CTNNBIP1: variants seen among roughly 807,000 people sequenced by gnomAD.
CTNNBIP1 encodes beta-catenin-interacting protein 1.
In CTNNBIP1, 7 loss-of-function variants were observed where a neutral mutation model predicts 11.8. The observed-to-expected ratio is 0.60, with a 90% CI of 0.34 to 1.12. The LOEUF is 1.12. Among genes scored for constraint, CTNNBIP1 ranks in the 50% most tolerant of loss-of-function variants. The pLI, the probability that CTNNBIP1 is intolerant of heterozygous loss-of-function variation, is 0.03. For missense variants in CTNNBIP1, 101 were observed against 113.4 expected (o/e 0.89, Z 0.50); for synonymous variants, 58 against 43.9 (o/e 1.32, Z -1.26).
chr1:9,880,076 G>C (rs750438921), intron 2 of CTNNBIP1, among the ~76,000 whole-genome samples: 3 of 152,122 alleles, frequency 2.0e-5, no homozygotes, highest in Non-Finnish European at 4.4e-5. Flanking sequence ...CCGTCACCTA[G>C]GTTTTAAGAT....
chr1:9,856,513 CTT>C (rs149518763), intron 5 of CTNNBIP1, among the ~76,000 whole-genome samples: 154 of 129,524 alleles, frequency 1.2e-3, no homozygotes, highest in African/African-American at 3.6e-3. Context: ...GTAAAAAATT[CTT>C]TTTTTTTTTT....
intron 5 of CTNNBIP1, among the ~76,000 whole-genome samples, chr1:9,855,255 CTTTTTT>C (rs35112494): frequency 7.8e-6 from 1 of 127,412 alleles, no homozygotes; most frequent in Non-Finnish European, 1.6e-5. Context: ...TAAAAATTGC[CTTTTTT>C]TTTTTTTTTT....
At chr1:9,877,562 GTGATAGAT>G (rs1638995444) in intron 3 of CTNNBIP1, among the ~76,000 whole-genome samples, 3 of 152,190 alleles carry the variant, frequency 2.0e-5, no homozygotes, top group Admixed American at 2.0e-4. Context: ...AAAACACATT[GTGATAGAT>G]TCTAATACAT....
Position 9,863,062 on chromosome 1 carries a change from G to A in CTNNBIP1, c.187+8125C>T, listed in dbSNP as rs189627879. The stretch of plus-strand genomic sequence containing the variant: ...TGACGCGGGGTGATGGGGTCAAAGC[G>A]ACCCTCCCTGGAGCCGCAGCCAGGT... On this transcript the variant is annotated intron_variant, in intron 5 of 5. Transcript: ENST00000377263. 8.9e-3 allele frequency among the ~76,000 whole-genome samples: 1,354 copies of A among 152,272 alleles called. 9 individuals are homozygous for A. Among genetic ancestry groups the A allele is most frequent in the Non-Finnish European group, 0.014 (944 of 68,016 alleles).
intron 5 of CTNNBIP1, among the ~76,000 whole-genome samples, chr1:9,860,867 G>A (rs1638612043): frequency 6.6e-6 from 1 of 152,214 alleles, no homozygotes. Context: ...AGTGGGGCGT[G>A]AAAATTCAGA....
intron 1 of CTNNBIP1, among the ~76,000 whole-genome samples, chr1:9,891,036 G>T (rs577866226): frequency 1.3e-5 from 2 of 151,888 alleles, no homozygotes; most frequent in African/African-American, 2.4e-5. Flanking sequence ...CATCAATCCC[G>T]CTGTCAAAAG....
chr1:9,893,402 A>C (rs1428486917), intron 1 of CTNNBIP1, among the ~76,000 whole-genome samples: 1 of 152,168 alleles, frequency 6.6e-6, no homozygotes, highest in Non-Finnish European at 1.5e-5. Flanking sequence ...ACTGTTAGTC[A>C]CCAAACCACA....
chr1:9,879,891 G>T (rs959681959), intron 2 of CTNNBIP1, among the ~76,000 whole-genome samples: 2 of 152,146 alleles, frequency 1.3e-5, no homozygotes, highest in African/African-American at 2.4e-5. Context: ...ACGGACAGCT[G>T]TTCTATTTGT....
At position 9,851,839 on chromosome 1, in the gene CTNNBIP1, T is replaced by G. The variant is rs947470343; in HGVS notation, c.188-1063A>C. ...CCTGCCACCCACACCCACAACTGCC[T>G]GGGGAGTTAGGGGCTGACATGGCCA... is the stretch of plus-strand genomic sequence containing the variant. On this transcript the variant is annotated intron_variant, in intron 5 of 5. Transcript: ENST00000377263. This position sits in a 1 kb window ranked among gnomAD's most constrained non-coding sequence, Gnocchi z 4.8. 6.6e-6 allele frequency among the ~76,000 whole-genome samples: 1 copy of G among 152,090 alleles called. No homozygotes were observed. Among genetic ancestry groups the G allele is most frequent in the Non-Finnish European group, 1.5e-5 (1 of 68,018 alleles).
At chr1:9,862,376 C>A (rs1226381504) in intron 5 of CTNNBIP1, among the ~76,000 whole-genome samples, 1 of 152,192 alleles carries the variant, frequency 6.6e-6, no homozygotes, top group Admixed American at 6.5e-5. Context: ...CACCACCGTG[C>A]CTGCCCCATC....
chr1:9,864,324 T>C (rs775160446), intron 5 of CTNNBIP1, among the ~76,000 whole-genome samples: 1 of 152,234 alleles, frequency 6.6e-6, no homozygotes. Context: ...CAGCAACACC[T>C]TGACAAGGGC....
At chr1:9,892,190 A>G (rs1270601429) in intron 1 of CTNNBIP1, among the ~76,000 whole-genome samples, 1 of 151,930 alleles carries the variant, frequency 6.6e-6, no homozygotes, top group African/African-American at 2.4e-5. Flanking sequence ...TGGGAAGCTG[A>G]GGCGGGCGGA....
chr1:9,872,154 C>T lies in CTNNBIP1; in HGVS notation c.-24-66G>A, dbSNP rs893223254. 4 of 953,958 alleles carry T rather than the reference C, an allele frequency of 4.2e-6. No homozygotes were observed. The highest frequency in any genetic ancestry group is 1.6e-5 in the African/African-American group (1 of 62,296). The allele number at this position is 953,958 out of a possible 1,614,324, so 59.1% of individuals were successfully genotyped here. On this transcript the variant is annotated intron_variant, in intron 3 of 5. Coordinates refer to ENST00000377263, the MANE Select transcript of CTNNBIP1 (RefSeq NM_020248.3). This position sits in a 1 kb window ranked among gnomAD's most constrained non-coding sequence, Gnocchi z 4.0. ...ATGTGACATACTGGGACAATGACAC[C>T]TGCTAGTGACCCTCACTCCTCCCAG...
rs528222979 is a variant in CTNNBIP1 at position 9,895,088 on chromosome 1, T to A, written c.-143-11350A>T. On this transcript the variant is annotated intron_variant, in intron 1 of 5. Coordinates refer to ENST00000377263, the MANE Select transcript of CTNNBIP1 (RefSeq NM_020248.3). ...ATGCCCTGCTAATTTTTTGTATTTT[T>A]AGTAGAGACAGGGTTTCACCGTGTT... is the stretch of plus-strand genomic sequence containing the variant. 8.6e-5 allele frequency among the ~76,000 whole-genome samples: 13 copies of A among 150,424 alleles called. No individual in the cohort carries two copies. In the South Asian group the frequency reaches 2.3e-3, roughly 27 times the overall value.
rs115635808 is a variant in CTNNBIP1 at position 9,909,242 on chromosome 1, G to T, written c.-144+853C>A. The stretch of plus-strand genomic sequence containing the variant: ...GGCCAGACATGTTCCTCTCAGTTCT[G>T]TGAGTGACAGGAGACAAAATAATTC... On this transcript the variant is annotated intron_variant, in intron 1 of 5. Coordinates refer to ENST00000377263, the MANE Select transcript of CTNNBIP1 (RefSeq NM_020248.3). Among the ~76,000 whole-genome samples the T allele has an allele frequency of 8.3e-3, 1,264 of 152,306 alleles. 18 individuals are homozygous for T. The highest frequency in any genetic ancestry group is 0.029 in the African/African-American group (1,192 of 41,564).
At chr1:9,894,058 T>C (rs372229572) in intron 1 of CTNNBIP1, among the ~76,000 whole-genome samples, 75 of 152,322 alleles carry the variant, frequency 4.9e-4, no homozygotes, top group African/African-American at 1.8e-3. Context: ...TGTTTTTTTT[T>C]CTTCCTCCTC....
intron 5 of CTNNBIP1, among the ~76,000 whole-genome samples, chr1:9,862,578 A>G (rs1161910811): frequency 2.0e-5 from 3 of 152,200 alleles, no homozygotes; most frequent in Admixed American, 6.5e-5. Context: ...GCTCAGTGCT[A>G]CAGACTGTCC....
At chr1:9,882,294 A>G (rs969778288) in intron 2 of CTNNBIP1, among the ~76,000 whole-genome samples, 1 of 152,244 alleles carries the variant, frequency 6.6e-6, no homozygotes, top group Non-Finnish European at 1.5e-5. Flanking sequence ...TACACAGGTG[A>G]GCAAAAGAGC....
At chr1:9,885,739 T>C (rs1639175594) in intron 1 of CTNNBIP1, among the ~76,000 whole-genome samples, 2 of 151,054 alleles carry the variant, frequency 1.3e-5, no homozygotes, top group Non-Finnish European at 2.9e-5. Flanking sequence ...AGGTTGGGAG[T>C]TCAAGACCAG....
Sources: allele counts gnomAD v4.1 joint callset (sites outside exome capture counted in the v4.1 genomes callset), GRCh38; gene constraint gnomAD v4.1.1; non-coding constraint Gnocchi (gnomAD v3.1); transcripts MANE v1.5; gene names NCBI Gene and HGNC (gene_info 2026-07-23, HGNC 2026-07-21).